The following ARHGEF10L variants were observed in gnomAD, a reference collection of about 807,000 sequenced individuals.
The protein encoded by ARHGEF10L is rho guanine nucleotide exchange factor 10-like protein.
Under a neutral mutation model 141.2 loss-of-function variants are expected in ARHGEF10L, and 69 were observed. The ratio of observed to expected loss-of-function variants is 0.49; its 90% CI spans 0.40 to 0.60. ARHGEF10L has a LOEUF of 0.60. Among genes scored for constraint, ARHGEF10L ranks in the 20% least tolerant of loss-of-function variants. The pLI, the probability that ARHGEF10L is intolerant of heterozygous loss-of-function variation, is 0.00. For missense variants in ARHGEF10L, 1,482 were observed against 1,734.3 expected (o/e 0.85, Z 2.58); for synonymous variants, 711 against 718.5 (o/e 0.99, Z 0.17).
chr1:17,532,945 G>A, the ARHGEF10L span, among the ~76,000 whole-genome samples: 517 of 152,232 alleles, frequency 3.4e-3, 6 homozygotes, highest in Admixed American at 6.2e-3. Flanking sequence ...CTAAAGCACG[G>A]TGCTGGGTAT....
chr1:17,515,818 CT>C, the ARHGEF10L span, among the ~76,000 whole-genome samples: 1 of 151,968 alleles, frequency 6.6e-6, no homozygotes, highest in Non-Finnish European at 1.5e-5. Flanking sequence ...AACTTTTGCA[CT>C]TTTAGTAGAG....
At chr1:17,645,503 C>T (rs988812413) in intron 21 of ARHGEF10L, among the ~76,000 whole-genome samples, 1 of 152,096 alleles carries the variant, frequency 6.6e-6, no homozygotes, top group African/African-American at 2.4e-5. Flanking sequence ...GCTCGCTCAC[C>T]CAGCTCCTAC....
At chr1:17,592,714 C>T (rs2079659861) in intron 4 of ARHGEF10L, among the ~76,000 whole-genome samples, 1 of 152,138 alleles carries the variant, frequency 6.6e-6, no homozygotes, top group Non-Finnish European at 1.5e-5. Flanking sequence ...CAAGATTTCC[C>T]AGATTGCCGC....
chr1:17,520,709 G>A, the ARHGEF10L span, among the ~76,000 whole-genome samples: 1 of 152,350 alleles, frequency 6.6e-6, no homozygotes, highest in East Asian at 1.9e-4. Flanking sequence ...GCAGGTCACG[G>A]CAACCTGGAG....
chr1:17,554,609 A>G (rs1170904378), intron 1 of ARHGEF10L, among the ~76,000 whole-genome samples: 3 of 112,576 alleles, frequency 2.7e-5, no homozygotes, highest in Non-Finnish European at 5.1e-5. Flanking sequence ...TTTTTTTGAC[A>G]GGGTCTTGCT....
chr1:17,633,629 G>T (rs549468062), intron 16 of ARHGEF10L, among the ~76,000 whole-genome samples: 1 of 152,276 alleles, frequency 6.6e-6, no homozygotes, highest in Non-Finnish European at 1.5e-5. Flanking sequence ...TGGGATTACA[G>T]GCGTAAGCCA....
chr1:17,614,515 G>T (rs114198273), intron 8 of ARHGEF10L, among the ~76,000 whole-genome samples: 4 of 152,128 alleles, frequency 2.6e-5, no homozygotes, highest in Admixed American at 2.0e-4. Flanking sequence ...TTGGGGGCTC[G>T]CAGGACAGCA....
At chr1:17,545,604 A>G (rs1022762391) in intron 1 of ARHGEF10L, among the ~76,000 whole-genome samples, 3 of 152,208 alleles carry the variant, frequency 2.0e-5, no homozygotes, top group African/African-American at 7.2e-5. Flanking sequence ...CTGAGGACAG[A>G]CCGTGGACAA....
At chr1:17,587,061 G>A (rs144591169) in intron 2 of ARHGEF10L, among the ~76,000 whole-genome samples, 2 of 152,264 alleles carry the variant, frequency 1.3e-5, no homozygotes, top group African/African-American at 4.8e-5. Flanking sequence ...GTGCTCATTT[G>A]CACACACAAA....
rs1295258992 is a variant in ARHGEF10L at position 17,625,301 on chromosome 1, T to C, written c.1318-655T>C. Among the ~76,000 whole-genome samples the C allele has an allele frequency of 6.6e-6, 1 of 152,212 alleles. No individual in the cohort carries two copies. Among genetic ancestry groups the C allele is most frequent in the Non-Finnish European group, 1.5e-5 (1 of 68,028 alleles). ...GGGATGGGCAGGTCTGTTTGGATTCTGGGAGCACTGATGCCTGTTGGGGAG... is the reference window on the plus strand; with the variant it reads ...GGGATGGGCAGGTCTGTTTGGATTCCGGGAGCACTGATGCCTGTTGGGGAG... On this transcript the variant is annotated intron_variant, in intron 13 of 28. Coordinates refer to ENST00000361221, the MANE Select transcript of ARHGEF10L (RefSeq NM_018125.4). The surrounding 1 kb of genome is among the most constrained non-coding windows in gnomAD (Gnocchi z 4.5).
intron 25 of ARHGEF10L, among the ~76,000 whole-genome samples, chr1:17,664,138 A>G (rs146796932): frequency 1.2e-4 from 19 of 152,194 alleles, no homozygotes; most frequent in African/African-American, 2.2e-4. Context: ...TGCTTACTGC[A>G]TGTGTGCGGA....
chr1:17,548,111 G>A (rs1418837689), intron 1 of ARHGEF10L, among the ~76,000 whole-genome samples: 2 of 152,162 alleles, frequency 1.3e-5, no homozygotes, highest in African/African-American at 4.8e-5. Flanking sequence ...ATATTGCGTG[G>A]CCCAGGTCAA....
Position 17,623,322 on chromosome 1 carries a change from T to A in ARHGEF10L, c.1200+147T>A. On this transcript the variant is annotated intron_variant, in intron 12 of 28. Coordinates refer to ENST00000361221, the MANE Select transcript of ARHGEF10L (RefSeq NM_018125.4). This position sits in a 1 kb window ranked among gnomAD's most constrained non-coding sequence, Gnocchi z 4.7. ...AGAGGGTGGCAGGGTCTTCTGGGCC[T>A]GATCTAGGGGTGAGTGTGACACCTT... is the stretch of plus-strand genomic sequence containing the variant. 1 of 968,346 alleles carries A rather than the reference T, an allele frequency of 1.0e-6. No individual in the cohort carries two copies. Among genetic ancestry groups the A allele is most frequent in the Non-Finnish European group, 1.5e-6 (1 of 661,342 alleles). The allele number at this position is 968,346 out of a possible 1,614,324, so 60.0% of individuals were successfully genotyped here.
In ARHGEF10L at chr1:17,619,238, C is replaced by G; in HGVS notation, c.836-101C>G. 1 of 1,190,658 alleles carries G rather than the reference C, an allele frequency of 8.4e-7. No individual in the cohort carries two copies. Among genetic ancestry groups the G allele is most frequent in the East Asian group, 2.6e-5 (1 of 39,010 alleles). 73.8% of individuals were successfully genotyped at this position (1,190,658 alleles called of 1,614,324 possible). On this transcript the variant is annotated intron_variant, in intron 9 of 28. Transcript: ENST00000361221. This position sits in a 1 kb window ranked among gnomAD's most constrained non-coding sequence, Gnocchi z 5.0. ...CCAGGAGCTGCTTGCACCCTAGGACCTGGGTCCAAGGCTGGTCTAGGGGGG... is the reference window on the plus strand; with the variant it reads ...CCAGGAGCTGCTTGCACCCTAGGACGTGGGTCCAAGGCTGGTCTAGGGGGG...
intron 27 of ARHGEF10L, among the ~76,000 whole-genome samples, chr1:17,688,101 C>A (rs1179931572): frequency 6.6e-6 from 1 of 152,194 alleles, no homozygotes; most frequent in Non-Finnish European, 1.5e-5. Context: ...GACCAAACAC[C>A]CAATTCTGCC....
Position 17,619,874 on chromosome 1 carries a change from C to A in ARHGEF10L, c.942+429C>A, listed in dbSNP as rs2060012085. On this transcript the variant is annotated intron_variant, in intron 10 of 28. Transcript: ENST00000361221. The surrounding 1 kb of genome is among the most constrained non-coding windows in gnomAD (Gnocchi z 5.0). ...CCTCAGAGCTGCCACAAGCTCCCAC[C>A]AGGAACTGAGGCTCTTTAAGAATGG... Among the ~76,000 whole-genome samples the A allele has an allele frequency of 6.6e-6, 1 of 152,092 alleles. No individual in the cohort carries two copies. Among genetic ancestry groups the A allele is most frequent in the South Asian group, 2.1e-4 (1 of 4,810 alleles).
chr1:17,585,908 C>T (rs187914135), intron 2 of ARHGEF10L, among the ~76,000 whole-genome samples: 14 of 152,172 alleles, frequency 9.2e-5, no homozygotes, highest in African/African-American at 2.9e-4. Context: ...CAAGGATCTG[C>T]GGCTGTTGTT....
intron 4 of ARHGEF10L, among the ~76,000 whole-genome samples, chr1:17,596,227 G>A (rs2080087149): frequency 6.6e-6 from 1 of 152,252 alleles, no homozygotes; most frequent in Non-Finnish European, 1.5e-5. Flanking sequence ...AAGGTCCTCA[G>A]CTTTGACATG....
At chr1:17,535,463 G>A (rs903878951), upstream of ARHGEF10L, among the ~76,000 whole-genome samples, 10 of 152,176 alleles carry the variant, frequency 6.6e-5, no homozygotes, top group East Asian at 1.9e-4. Flanking sequence ...TGGTGGGAGC[G>A]GGGCCAGACT....
Sources: gnomAD v4.1 joint callset for allele counts (sites outside exome capture counted in the v4.1 genomes callset) on GRCh38, gnomAD v4.1.1 for gene constraint, Gnocchi (gnomAD v3.1) non-coding constraint, MANE v1.5 for transcripts, NCBI Gene and HGNC (gene_info 2026-07-23, HGNC 2026-07-21) for gene names.